SCFD1: variants seen among roughly 807,000 people sequenced by gnomAD.
The protein encoded by SCFD1 is sec1 family domain containing 1.
In SCFD1, 37 loss-of-function variants were observed where a neutral mutation model predicts 103.2. The observed-to-expected ratio is 0.36, with a 90% CI of 0.28 to 0.47. The LOEUF (loss-of-function observed/expected upper bound fraction) is 0.47. SCFD1 is among the 20% of genes least tolerant of loss of function. The pLI is 1.00. For synonymous variants in SCFD1, 264 were observed against 245.0 expected, an observed-to-expected ratio of 1.08 and a Z score of -0.73; for missense variants, 639 against 761.2, an observed-to-expected ratio of 0.84 and a Z score of 1.89.
Position 30,700,051 on chromosome 14 carries a change from T to TA in SCFD1, c.1340-136dup, listed in dbSNP as rs1346829270. 6.3e-6 allele frequency: 4 copies of TA among 631,588 alleles called. No individual in the cohort carries two copies. The Admixed American group carries it at 8.2e-5, about 13-fold the overall frequency. 39.1% of individuals were successfully genotyped at this position (631,588 alleles called of 1,614,324 possible). On this transcript the variant is annotated intron_variant, in intron 15 of 24. Coordinates refer to ENST00000458591, the MANE Select transcript of SCFD1 (RefSeq NM_016106.4). ...TACATGGTTATAATTATATGCCTGT[T>TA]ACCTTAGTTAAATCAAGAGCCATGT...
chr14:30,648,542 A>G (rs61976710), intron 7 of SCFD1, among the ~76,000 whole-genome samples: 40,557 of 152,002 alleles, frequency 0.27, 5,863 homozygotes, highest in East Asian at 0.62. Context: ...AAACTGCTGA[A>G]TTAGCTAAGC....
chr14:30,681,095 C>T (rs1181736522), intron 14 of SCFD1, among the ~76,000 whole-genome samples: 2 of 152,024 alleles, frequency 1.3e-5, no homozygotes, highest in East Asian at 3.9e-4. Flanking sequence ...AACATGGTGG[C>T]GCACACCTGT....
At chr14:30,729,967 T>C (rs1350034940) in intron 23 of SCFD1, among the ~76,000 whole-genome samples, 4 of 152,170 alleles carry the variant, frequency 2.6e-5, no homozygotes, top group Non-Finnish European at 5.9e-5. Context: ...CATTAACTCA[T>C]CGTTTACGTT....
chr14:30,692,543 G>A (rs1456722534), intron 14 of SCFD1, among the ~76,000 whole-genome samples: 1 of 152,138 alleles, frequency 6.6e-6, no homozygotes, highest in East Asian at 1.9e-4. Flanking sequence ...TAGATGGTAA[G>A]GAGGAATATA....
At chr14:30,679,103 A>T (rs904272962) in intron 14 of SCFD1, among the ~76,000 whole-genome samples, 3 of 152,184 alleles carry the variant, frequency 2.0e-5, no homozygotes, top group African/African-American at 7.2e-5. Flanking sequence ...ACTGATCTCC[A>T]CTTAGTCACC....
intron 16 of SCFD1, among the ~76,000 whole-genome samples, chr14:30,701,242 T>G (rs1891057442): frequency 6.6e-6 from 1 of 152,218 alleles, no homozygotes; most frequent in Non-Finnish European, 1.5e-5. Context: ...CCATTCTGCT[T>G]TACCCTGGGA....
chr14:30,667,865 A>C (rs546338979), intron 10 of SCFD1, among the ~76,000 whole-genome samples: 421 of 152,312 alleles, frequency 2.8e-3, no homozygotes, highest in African/African-American at 9.7e-3. Context: ...GGACCTCTTC[A>C]AGGAGAACTA....
intron 20 of SCFD1, among the ~76,000 whole-genome samples, chr14:30,716,571 T>G (rs939588520): frequency 2.0e-5 from 3 of 152,208 alleles, no homozygotes; most frequent in African/African-American, 7.2e-5. Flanking sequence ...CATCCCATCC[T>G]GTCACTGTCG....
intron 14 of SCFD1, among the ~76,000 whole-genome samples, chr14:30,678,687 T>C (rs989376793): frequency 6.6e-6 from 1 of 152,186 alleles, no homozygotes; most frequent in Non-Finnish European, 1.5e-5. Flanking sequence ...TTGTAAAGCA[T>C]AGTTGATGAG....
At chr14:30,646,545 A>C (rs1286192404) in intron 7 of SCFD1, among the ~76,000 whole-genome samples, 1 of 151,858 alleles carries the variant, frequency 6.6e-6, no homozygotes, top group Non-Finnish European at 1.5e-5. Flanking sequence ...AGATTTTTGC[A>C]CCTGTATTCA....
At chr14:30,728,593 G>C (rs1893213071) in intron 23 of SCFD1, among the ~76,000 whole-genome samples, 2 of 152,172 alleles carry the variant, frequency 1.3e-5, no homozygotes, top group African/African-American at 4.8e-5. Context: ...ATATACCTAA[G>C]AGTGGAATTG....
chr14:30,721,172 A>G (rs1396753712), intron 21 of SCFD1, among the ~76,000 whole-genome samples: 2 of 152,146 alleles, frequency 1.3e-5, no homozygotes, highest in South Asian at 2.1e-4. Context: ...AAATGAGGAA[A>G]AGATGATAGA....
intron 14 of SCFD1, chr14:30,683,333 G>T: frequency 1.6e-6 from 1 of 627,916 alleles, no homozygotes; most frequent in Non-Finnish European, 2.8e-6. Context: ...CATTGTAAGG[G>T]TAGTCACTGG....
chr14:30,707,028 T>C (rs1442346375), intron 18 of SCFD1, among the ~76,000 whole-genome samples: 1 of 152,292 alleles, frequency 6.6e-6, no homozygotes, highest in East Asian at 1.9e-4. Flanking sequence ...TTCCATCCTG[T>C]CCATCTCTTC....
At position 30,653,479 on chromosome 14, in the gene SCFD1, A is replaced by G. The variant is rs758245101; in HGVS notation, c.756-10A>G. On this transcript the variant is annotated splice_polypyrimidine_tract_variant and intron_variant, in intron 9 of 24. Coordinates refer to ENST00000458591, the MANE Select transcript of SCFD1 (RefSeq NM_016106.4). ...AGAGTTATGTAATTTTTTTATATGT[A>G]TATTTACAGCTTCCAGAGGCCCTTA... The G allele has an allele frequency of 5.1e-6, 8 of 1,580,116 alleles. No homozygotes were observed. The South Asian group carries it at 8.9e-5, about 18-fold the overall frequency.
At chr14:30,695,496 G>A (rs1452567079) in intron 15 of SCFD1, among the ~76,000 whole-genome samples, 1 of 152,020 alleles carries the variant, frequency 6.6e-6, no homozygotes, top group East Asian at 1.9e-4. Context: ...CCAGAGGCCA[G>A]GAAAGGGAGA....
intron 3 of SCFD1, 142 bp downstream of exon 3, chr14:30,630,707 A>G: frequency 1.7e-6 from 1 of 580,496 alleles, no homozygotes; most frequent in Non-Finnish European, 3.0e-6. Context: ...TCTGGGATTT[A>G]AAAAAATCCT....
intron 1 of SCFD1, among the ~76,000 whole-genome samples, chr14:30,623,783 A>AT (rs1464029179): frequency 1.3e-5 from 2 of 152,148 alleles, no homozygotes; most frequent in African/African-American, 4.8e-5. Flanking sequence ...TGCTAGATCT[A>AT]TTTTTTATCA....
intron 9 of SCFD1, among the ~76,000 whole-genome samples, chr14:30,653,125 C>T (rs1469748141): frequency 1.3e-5 from 2 of 152,170 alleles, no homozygotes; most frequent in African/African-American, 4.8e-5. Flanking sequence ...CCAGCCTCCC[C>T]CGTCTCTATA....
Sources: allele counts gnomAD v4.1 joint callset (sites outside exome capture counted in the v4.1 genomes callset), GRCh38; gene constraint gnomAD v4.1.1; transcripts MANE v1.5; gene names NCBI Gene and HGNC (gene_info 2026-07-23, HGNC 2026-07-21).